Variants in CDC34 observed in about 807,000 individuals in gnomAD.
CDC34 encodes ubiquitin-conjugating enzyme E2 R1.
CDC34 carries 18 observed loss-of-function variants against 26.8 expected under a neutral mutation model. The ratio of observed to expected loss-of-function variants is 0.67; its 90% confidence interval spans 0.47 to 1.00. CDC34 has a LOEUF of 1.00. CDC34 is among the 50% of genes least tolerant of loss of function. CDC34 has a pLI of 0.00. For missense variants in CDC34, 280 were observed against 334.5 expected (o/e 0.84, Z 1.27); for synonymous variants, 178 against 147.5 (o/e 1.21, Z -1.50).
In CDC34 at chr19:541,855, G is replaced by A. The variant is rs995788792; in HGVS notation, c.*303G>A. 5 of 230,102 alleles carry A rather than the reference G, an allele frequency of 2.2e-5. No homozygotes were observed. The highest frequency in any genetic ancestry group is 4.2e-5 in the Non-Finnish European group (5 of 117,942). The allele number at this position is 230,102 out of a possible 1,614,324, so 14.3% of individuals were successfully genotyped here. ...TTCTACCGGGGTCCCCCAGCTTCCGGACTGGCCGCACCCCGGAGGAGCCAC... is the reference window on the plus strand; with the variant it reads ...TTCTACCGGGGTCCCCCAGCTTCCGAACTGGCCGCACCCCGGAGGAGCCAC... On this transcript the variant is annotated 3_prime_UTR_variant, in exon 5 of 5. Coordinates refer to ENST00000215574, the MANE Select transcript of CDC34 (RefSeq NM_004359.2).
In CDC34 at chr19:537,057, C is replaced by T. The variant is rs1979788823; in HGVS notation, c.407C>T (p.Thr136Ile). 2 of 1,613,940 alleles carry T rather than the reference C, an allele frequency of 1.2e-6. No individual in the cohort carries two copies. Among genetic ancestry groups the T allele is most frequent in the Non-Finnish European group, 1.7e-6 (2 of 1,180,012 alleles). Residue 136 changes from threonine (T) to isoleucine (I), a missense_variant, in exon 4 of 5, where the codon ACC (threonine) becomes ATC (isoleucine). Physicochemically the swap from Thr to Ile is moderately conservative, Grantham distance 89 (BLOSUM62 -1). Transcript: ENST00000215574. ...ATCTCCCTCCTGAACGAGCCCAACA[C>T]CTTCTCGCCCGCAAACGTGGACGCC... ...SVISLLNEPNTFSPANVDASV... is the reference protein window; with the variant it reads ...SVISLLNEPNIFSPANVDASV...
intron 4 of CDC34, chr19:538,749 C>T (rs780402539): frequency 9.1e-6 from 9 of 985,316 alleles, no homozygotes; most frequent in African/African-American, 1.7e-5. Flanking sequence ...CATCTCGGGG[C>T]AGCATCCTGG....
At chr19:541,187 C>CTCA in intron 4 of CDC34, 152 bp from the exon 5 acceptor site, 2 of 1,007,190 alleles carry the variant, frequency 2.0e-6, no homozygotes, top group South Asian at 3.6e-5. Flanking sequence ...CCTGGAGTTC[C>CTCA]TCACGCACAG....
chr19:532,866 C>T (rs1039122575), intron 1 of CDC34, among the ~76,000 whole-genome samples: 3 of 152,234 alleles, frequency 2.0e-5, no homozygotes, highest in African/African-American at 7.2e-5. Context: ...GGCCCGCGTC[C>T]CGGACCCCGA....
chr19:532,441 C>T (rs1043594404), intron 1 of CDC34, among the ~76,000 whole-genome samples: 2 of 152,194 alleles, frequency 1.3e-5, no homozygotes, highest in Non-Finnish European at 2.9e-5. Flanking sequence ...TCTTGCCCAC[C>T]TCCTCCTTGG....
chr19:534,335 G>A (rs890455392), intron 1 of CDC34, among the ~76,000 whole-genome samples: 17 of 151,422 alleles, frequency 1.1e-4, no homozygotes, highest in African/African-American at 4.1e-4. Context: ...TCCCTGTCCA[G>A]GAGGGGCCCG....
Position 532,030 on chromosome 19 carries a change from G to A in CDC34, c.99G>A (p.Val33=), listed in dbSNP as rs1979511791. The stretch of plus-strand genomic sequence containing the variant: ...TCGAGGGATTCCGCGTGACACTGGT[G>A]GACGAGGGCGATCTATACAACTGGG... ...EPVEGFRVTL[V]DEGDLYNWEV... The change falls in exon 1 of 5, where the codon GTG becomes GTA. Residue 33 remains valine, a synonymous_variant. Transcript: ENST00000215574. 1.3e-6 allele frequency: 2 copies of A among 1,518,526 alleles called. No individual in the cohort carries two copies. Among genetic ancestry groups the A allele is most frequent in the East Asian group, 2.8e-5 (1 of 36,300 alleles). 94.1% of individuals were successfully genotyped at this position (1,518,526 alleles called of 1,614,324 possible).
chr19:537,234 C>T (rs1042542600), intron 4 of CDC34, 87 bp downstream of exon 4: 2 of 1,494,594 alleles, frequency 1.3e-6, no homozygotes, highest in Non-Finnish European at 1.8e-6. Flanking sequence ...CCAGCCCCAC[C>T]TTCCTGGTGA....
intron 3 of CDC34, 151 bp from the exon 4 acceptor site, chr19:536,862 C>T (rs1481343144): frequency 7.5e-6 from 6 of 804,410 alleles, no homozygotes; most frequent in Non-Finnish European, 1.2e-5. Context: ...CCCTGCTGTT[C>T]TGGGGGCCTG....
intron 3 of CDC34, 34 bp from the exon 4 acceptor site, chr19:536,979 C>T (rs746478944): frequency 1.5e-5 from 24 of 1,612,418 alleles, no homozygotes; most frequent in African/African-American, 2.7e-5. Flanking sequence ...TGGGGTGCCC[C>T]GGGCCGCCCC....
chr19:535,296 G>A (rs990569382), intron 1 of CDC34, among the ~76,000 whole-genome samples: 2 of 152,252 alleles, frequency 1.3e-5, no homozygotes, highest in African/African-American at 2.4e-5. Flanking sequence ...GAGGGCAGAC[G>A]GCCATACTGA....
Position 541,493 on chromosome 19 carries a change from G to A in CDC34, c.652G>A (p.Glu218Lys), listed in dbSNP as rs531877075. The A allele has an allele frequency of 1.2e-6, 2 of 1,611,036 alleles. No homozygotes were observed. The highest frequency in any genetic ancestry group is 1.3e-5 in the African/African-American group (1 of 74,994). ...DDYYEDGEVE[E>K]EADSCFGDDE... ...CTACTACGAGGACGGCGAGGTGGAG[G>A]AGGAGGCCGACAGCTGCTTCGGGGA... The change falls in exon 5 of 5, where the codon GAG (glutamate) becomes AAG (lysine). Residue 218 changes from glutamate (E) to lysine (K), a missense_variant. Coordinates refer to ENST00000215574, the MANE Select transcript of CDC34 (RefSeq NM_004359.2).
chr19:533,342 C>T (rs1046199783), intron 1 of CDC34, among the ~76,000 whole-genome samples: 2 of 152,232 alleles, frequency 1.3e-5, no homozygotes, highest in African/African-American at 2.4e-5. Flanking sequence ...CGATGCCTCC[C>T]GCACGATATG....
intron 1 of CDC34, among the ~76,000 whole-genome samples, chr19:535,373 G>A (rs1185515417): frequency 6.6e-6 from 1 of 152,252 alleles, no homozygotes; most frequent in East Asian, 1.9e-4. Context: ...GCAATCATCT[G>A]TGCTAACCCT....
intron 2 of CDC34, 71 bp from the exon 3 acceptor site, chr19:536,172 C>A (rs528359168): frequency 7.8e-7 from 1 of 1,276,218 alleles, no homozygotes; most frequent in African/African-American, 1.5e-5. Flanking sequence ...CGTCCTCATC[C>A]TCCGGGACCT....
chr19:538,195 CT>C (rs1979850164), intron 4 of CDC34, among the ~76,000 whole-genome samples: 1 of 152,258 alleles, frequency 6.6e-6, no homozygotes, highest in South Asian at 2.1e-4. Context: ...CAGTGACTGA[CT>C]GTTAGTCAGG....
Position 541,092 on chromosome 19 carries a change from A to C in CDC34, c.498-247A>C. On this transcript the variant is annotated intron_variant, in intron 4 of 4. Transcript: ENST00000215574. ...CTTGGGTTGTGCTTCGGGGCGGGGC[A>C]GGCGGGTGTGACTGCACTGCGCCCG... 4.2e-6 allele frequency: 2 copies of C among 475,830 alleles called. 1 individual carries two copies. Among genetic ancestry groups the C allele is most frequent in the Non-Finnish European group, 7.4e-6 (2 of 269,308 alleles). 29.5% of individuals were successfully genotyped at this position (475,830 alleles called of 1,614,324 possible).
chr19:536,650 G>A, intron 3 of CDC34: 1 of 542,226 alleles, frequency 1.8e-6, no homozygotes, highest in Non-Finnish European at 3.3e-6. Flanking sequence ...AGCCGTCTCT[G>A]GGTTGGTCAC....
chr19:537,724 C>T (rs964086458), intron 4 of CDC34, among the ~76,000 whole-genome samples: 1 of 135,550 alleles, frequency 7.4e-6, no homozygotes, highest in African/African-American at 2.7e-5. Context: ...GGTGCGATCT[C>T]GGCTCACTGC....
Sources: allele counts gnomAD v4.1 joint callset (sites outside exome capture counted in the v4.1 genomes callset), GRCh38; gene constraint gnomAD v4.1.1; transcripts MANE v1.5; gene names NCBI Gene and HGNC (gene_info 2026-07-23, HGNC 2026-07-21).